Variants in NUP155 observed in about 807,000 individuals in gnomAD.
NUP155 encodes the protein nucleoporin 155, also known as nuclear pore complex protein Nup155.
Under a neutral mutation model 180.4 loss-of-function variants are expected in NUP155, and 71 were observed. That is an observed-to-expected ratio of 0.39 (90% CI 0.33 to 0.48). The LOEUF (loss-of-function observed/expected upper bound fraction) is 0.48. Among genes scored for constraint, NUP155 ranks in the 20% least tolerant of loss-of-function variants. NUP155 has a pLI of 0.91. For synonymous variants in NUP155, 582 were observed against 559.5 expected (o/e 1.04, Z -0.57); for missense variants, 1,553 against 1,648.9 (o/e 0.94, Z 1.01).
In NUP155 at chr5:37,325,490, A is replaced by G. The variant is rs143931675; in HGVS notation, c.2091+411T>C. Among the ~76,000 whole-genome samples the G allele has an allele frequency of 3.9e-3, 589 of 152,258 alleles. 5 individuals are homozygous for G. The highest frequency in any genetic ancestry group is 3.8e-3 in the Non-Finnish European group (258 of 68,016). On this transcript the variant is annotated intron_variant, in intron 19 of 34. Coordinates refer to ENST00000231498, the MANE Select transcript of NUP155 (RefSeq NM_153485.3). ...CATATACATAAAAGAATAACCCGCC[A>G]GGCGCTGAGGCCCCCTGCCTGTAAT...
chr5:37,295,482 T>A (rs914811894), intron 32 of NUP155, among the ~76,000 whole-genome samples: 1 of 151,806 alleles, frequency 6.6e-6, no homozygotes, highest in Non-Finnish European at 1.5e-5. Context: ...GTCTGGGAAG[T>A]GAGGAGCGTC....
intron 21 of NUP155, among the ~76,000 whole-genome samples, chr5:37,315,491 G>C (rs1271418331): frequency 1.3e-5 from 2 of 152,058 alleles, no homozygotes; most frequent in Non-Finnish European, 2.9e-5. Flanking sequence ...CTATAAAAAG[G>C]CATATTACTA....
intron 12 of NUP155, among the ~76,000 whole-genome samples, chr5:37,334,539 C>A (rs895796214): frequency 3.3e-5 from 5 of 152,148 alleles, no homozygotes; most frequent in Non-Finnish European, 7.4e-5. Flanking sequence ...CACCACCATA[C>A]CCGGCTAATT....
intron 32 of NUP155, among the ~76,000 whole-genome samples, chr5:37,296,948 G>A (rs1742616355): frequency 6.6e-6 from 1 of 152,082 alleles, no homozygotes; most frequent in African/African-American, 2.4e-5. Context: ...AGGCCAAGGT[G>A]AGCAGATCAC....
chr5:37,356,000 T>C (rs1235154861), intron 4 of NUP155, among the ~76,000 whole-genome samples: 1 of 151,692 alleles, frequency 6.6e-6, no homozygotes, highest in Non-Finnish European at 1.5e-5. Flanking sequence ...GAGGCCGAGG[T>C]GGGCGGATCA....
intron 1 of NUP155, among the ~76,000 whole-genome samples, chr5:37,366,708 G>A (rs1006859886): frequency 3.4e-5 from 5 of 149,022 alleles, no homozygotes; most frequent in Non-Finnish European, 7.4e-5. Context: ...CTGGAGTGCA[G>A]TGGCCTGATC....
chr5:37,352,639 A>G, intron 5 of NUP155, 98 bp downstream of exon 5: 1 of 775,618 alleles, frequency 1.3e-6, no homozygotes, highest in East Asian at 2.6e-5. Flanking sequence ...ATGTGAGTCA[A>G]TGGAATTCAA....
At position 37,348,642 on chromosome 5, in the gene NUP155, A is replaced by G. The variant is rs546698508; in HGVS notation, c.904-46T>C. On this transcript the variant is annotated intron_variant, in intron 8 of 34. Transcript: ENST00000231498. ...TCACTTAAACATGATTATATACTATACACATATTATTAAACTCTTTCTTTT... is the reference window on the plus strand; with the variant it reads ...TCACTTAAACATGATTATATACTATGCACATATTATTAAACTCTTTCTTTT... The G allele has an allele frequency of 3.8e-6, 4 of 1,039,246 alleles. No homozygotes were observed. The African/African-American group carries it at 4.7e-5, about 12-fold the overall frequency. 64.4% of individuals were successfully genotyped at this position (1,039,246 alleles called of 1,614,324 possible).
rs375809972 is a variant in NUP155, at chr5:37,290,146, C to A, written c.*1754G>T. On this transcript the variant is annotated 3_prime_UTR_variant, in exon 35 of 35. Coordinates refer to ENST00000231498, the MANE Select transcript of NUP155 (RefSeq NM_153485.3). ...CAAATTGTTAGACATGCATCACTTA[C>A]AATAAACAGAAGGTAATTATTTGTG... is the stretch of plus-strand genomic sequence containing the variant. 1.3e-5 allele frequency: 2 copies of A among 152,132 alleles called. No homozygotes were observed. The highest frequency in any genetic ancestry group is 1.9e-4 in the East Asian group (1 of 5,176). 9.4% of individuals were successfully genotyped at this position (152,132 alleles called of 1,614,324 possible).
At chr5:37,331,378 C>T (rs1477355754) in intron 14 of NUP155, among the ~76,000 whole-genome samples, 1 of 152,110 alleles carries the variant, frequency 6.6e-6, no homozygotes, top group African/African-American at 2.4e-5. Context: ...AGTTCGAGAC[C>T]AGCCTGACCA....
intron 22 of NUP155, among the ~76,000 whole-genome samples, chr5:37,312,931 T>A (rs1053021511): frequency 6.6e-6 from 1 of 152,152 alleles, no homozygotes; most frequent in African/African-American, 2.4e-5. Flanking sequence ...GTCAAATGTA[T>A]ATGGGAGTTA....
chr5:37,306,477 CTT>C (rs1376113046), intron 25 of NUP155, among the ~76,000 whole-genome samples: 1 of 152,096 alleles, frequency 6.6e-6, no homozygotes, highest in African/African-American at 2.4e-5. Flanking sequence ...TATATTTCTT[CTT>C]TGTTCCGAGA....
intron 6 of NUP155, 91 bp from the exon 7 acceptor site, chr5:37,350,356 T>A (rs1488506216): frequency 1.2e-6 from 1 of 830,354 alleles, no homozygotes; most frequent in East Asian, 2.5e-5. Flanking sequence ...AACCTTCAAA[T>A]CTTCATGAAA....
rs1002249002 is a variant in NUP155 at position 37,294,462 on chromosome 5, A to C, written c.3797T>G (p.Phe1266Cys). 1.9e-6 allele frequency: 3 copies of C among 1,613,624 alleles called. No homozygotes were observed. Among genetic ancestry groups the C allele is most frequent in the African/African-American group, 1.3e-5 (1 of 74,910 alleles). The stretch of plus-strand genomic sequence containing the variant: ...CTGCTGTTCTAAAAACTGTACAATA[A>C]AATCTGGGAAGAAAAAAAAAGATCG... ...AGTPRFFPLD[F>C]IVQFLEQQVC... is the part of the protein sequence containing the mutation. Residue 1266 changes from phenylalanine to cysteine, a missense_variant, in exon 33 of 35, where the codon TTT becomes TGT. Transcript: ENST00000231498.
chr5:37,341,528 ATTTGT>A (rs1419972636), intron 10 of NUP155, among the ~76,000 whole-genome samples: 1 of 151,860 alleles, frequency 6.6e-6, no homozygotes, highest in Non-Finnish European at 1.5e-5. Context: ...CACCCGTCTA[ATTTGT>A]TTTATTTTTA....
intron 12 of NUP155, among the ~76,000 whole-genome samples, chr5:37,333,834 C>T (rs534749300): frequency 6.7e-6 from 1 of 149,108 alleles, no homozygotes; most frequent in African/African-American, 2.5e-5. Context: ...TTTTTTGAGA[C>T]GAAGTTGTCT....
chr5:37,353,103 A>T (rs1268552404), intron 4 of NUP155, among the ~76,000 whole-genome samples: 1 of 152,170 alleles, frequency 6.6e-6, no homozygotes, highest in Non-Finnish European at 1.5e-5. Context: ...ATGCTATTTT[A>T]AAAGTGTTAT....
chr5:37,349,258 C>CAA lies in NUP155; in HGVS notation c.830-15_830-14dup, dbSNP rs550342158. 7.3e-4 allele frequency: 394 copies of CAA among 543,206 alleles called. No individual in the cohort carries two copies. Among genetic ancestry groups the CAA allele is most frequent in the South Asian group, 8.6e-4 (36 of 41,692 alleles). 33.6% of individuals were successfully genotyped at this position (543,206 alleles called of 1,614,324 possible). A position where few individuals can be genotyped will look rare whatever the true frequency, so the allele number is the denominator to read the frequency against. On this transcript the variant is annotated splice_polypyrimidine_tract_variant and intron_variant, in intron 7 of 34. Coordinates refer to ENST00000231498, the MANE Select transcript of NUP155 (RefSeq NM_153485.3). Reference sequence around the variant, plus strand: ...TGAAGAATAGGATCTAAAAGTAAGACAAAAAAAAAAAAGAGAAAAAAGTAA... The same window carrying CAA: ...TGAAGAATAGGATCTAAAAGTAAGACAAAAAAAAAAAAAAGAGAAAAAAGTAA...
chr5:37,333,227 C>T (rs1161205330), intron 13 of NUP155, among the ~76,000 whole-genome samples: 1 of 151,716 alleles, frequency 6.6e-6, no homozygotes, highest in Non-Finnish European at 1.5e-5. Context: ...TGGTGGTGTG[C>T]GCCTGTAATC....
Sources: allele counts gnomAD v4.1 joint callset (sites outside exome capture counted in the v4.1 genomes callset), GRCh38; gene constraint gnomAD v4.1.1; transcripts MANE v1.5; gene names NCBI Gene and HGNC (gene_info 2026-07-23, HGNC 2026-07-21).